ASB8: variants seen among roughly 807,000 people sequenced by gnomAD.
The protein encoded by ASB8 is ankyrin repeat and SOCS box protein 8.
ASB8 carries 15 observed loss-of-function variants against 22.9 expected under a neutral mutation model. That is an observed-to-expected ratio of 0.66 (90% confidence interval 0.44 to 1.01). The LOEUF (loss-of-function observed/expected upper bound fraction) is 1.01, where lower values mean the gene tolerates loss of function less well. Among genes scored for constraint, ASB8 ranks in the 50% least tolerant of loss-of-function variants. ASB8 has a pLI of 0.00. For synonymous variants in ASB8, 124 were observed against 140.8 expected (o/e 0.88, Z 0.84); for missense variants, 294 against 356.9 (o/e 0.82, Z 1.42).
chr12:48,148,274 C>T lies in ASB8; in HGVS notation c.*1092G>A, dbSNP rs1951133429. 1 of 152,264 alleles carries T rather than the reference C, an allele frequency of 6.6e-6. No individual in the cohort carries two copies. The highest frequency in any genetic ancestry group is 6.5e-5 in the Admixed American group (1 of 15,286). The allele number at this position is 152,264 out of a possible 1,614,324, so 9.4% of individuals were successfully genotyped here. A position where few individuals can be genotyped will look rare whatever the true frequency, so the allele number is the denominator to read the frequency against. On this transcript the variant is annotated 3_prime_UTR_variant, in exon 4 of 4. Coordinates refer to ENST00000317697, the MANE Select transcript of ASB8 (RefSeq NM_024095.5). ...GGAACACACACCGTAGGTGTAGGAA[C>T]TGCCTGGGAATCCCATTAGAACACA... is the stretch of plus-strand genomic sequence containing the variant.
At chr12:48,150,797 T>G (rs1043808439) in intron 3 of ASB8, 1 of 243,718 alleles carries the variant, frequency 4.1e-6, no homozygotes, top group East Asian at 8.4e-5. Context: ...TTAAGGGTAC[T>G]TTAGATTTAA....
chr12:48,156,851 A>G (rs1951312774), intron 1 of ASB8, among the ~76,000 whole-genome samples: 1 of 152,048 alleles, frequency 6.6e-6, no homozygotes, highest in African/African-American at 2.4e-5. Flanking sequence ...ATTCGATCTC[A>G]CTAGACAGCA....
intron 1 of ASB8, among the ~76,000 whole-genome samples, chr12:48,154,511 G>A (rs1215510428): frequency 6.9e-6 from 1 of 145,968 alleles, no homozygotes; most frequent in Non-Finnish European, 1.5e-5. Context: ...GGAAATATTT[G>A]AGGTAGTATT....
At chr12:48,150,195 T>C (rs61918826) in intron 3 of ASB8, 197 bp from the exon 4 acceptor site, 132,431 of 714,542 alleles carry the variant, frequency 0.19, 13,382 homozygotes, top group East Asian at 0.22. Flanking sequence ...GGAAAAGAAC[T>C]GTCCTCAAAC....
rs1316836145 is a variant in ASB8, at chr12:48,151,217, A to G, written c.218T>C (p.Leu73Pro). 1.2e-6 allele frequency: 2 copies of G among 1,612,882 alleles called. No individual in the cohort carries two copies. The highest frequency in any genetic ancestry group is 2.7e-5 in the African/African-American group (2 of 74,896). The change falls in exon 3 of 4, where the codon CTG (leucine) becomes CCG (proline). Residue 73 changes from leucine (L) to proline (P), a missense_variant. Physicochemically the swap from Leu to Pro is moderately conservative, Grantham distance 98. Transcript: ENST00000317697. ...AAACATTACCTCGGCTCCTTTTTCC[A>G]GAAGTAACTCCACACAGTCAGCATC... is the stretch of plus-strand genomic sequence containing the variant. Reference protein sequence around the residue: ...VSDADCVELLLEKGAEVNALD... With the variant: ...VSDADCVELLPEKGAEVNALD...
In ASB8 at chr12:48,149,269, A is replaced by G; in HGVS notation, c.*97T>C. On this transcript the variant is annotated 3_prime_UTR_variant, in exon 4 of 4. Coordinates refer to ENST00000317697, the MANE Select transcript of ASB8 (RefSeq NM_024095.5). ...TGCTTCGAAATCTATAAACCACACA[A>G]CAGGAACAACTGTTTTTCTGTTTTC... 7.5e-7 allele frequency: 1 copy of G among 1,335,246 alleles called. No homozygotes were observed. Among genetic ancestry groups the G allele is most frequent in the Non-Finnish European group, 1.0e-6 (1 of 978,098 alleles). 82.7% of individuals were successfully genotyped at this position (1,335,246 alleles called of 1,614,324 possible). A position where few individuals can be genotyped will look rare whatever the true frequency, so the allele number is the denominator to read the frequency against.
rs1170245530 is a variant in ASB8 at position 48,149,887 on chromosome 12, C to T, written c.346G>A (p.Gly116Ser). 1 of 1,614,222 alleles carries T rather than the reference C, an allele frequency of 6.2e-7. No homozygotes were observed. Among genetic ancestry groups the T allele is most frequent in the Non-Finnish European group, 8.5e-7 (1 of 1,180,038 alleles). Reference sequence around the variant, plus strand: ...CAGTGAAGTGGGGTATCTCTGTTGCCATCCAAAGCATTGGGGTTTGCACCA... The same window carrying T: ...CAGTGAAGTGGGGTATCTCTGTTGCTATCCAAAGCATTGGGGTTTGCACCA... ...EYGANPNALD[G>S]NRDTPLHWAA... Residue 116 changes from glycine to serine, a missense_variant, in exon 4 of 4, where the codon GGC becomes AGC. Transcript: ENST00000317697.
At position 48,149,840 on chromosome 12, in the gene ASB8, A is replaced by G; in HGVS notation, c.393T>C (p.Ala131=). Residue 131 remains alanine (A), a synonymous_variant, in exon 4 of 4, where the codon GCT becomes GCC. Coordinates refer to ENST00000317697, the MANE Select transcript of ASB8 (RefSeq NM_024095.5). ...PLHWAAFKNN[A]ECVRALLESG... ...TCTCTAGGAGAGCCCGCACACACTC[A>G]GCATTGTTCTTAAAGGCTGCCCAGT... is the stretch of plus-strand genomic sequence containing the variant. The G allele has an allele frequency of 1.2e-6, 2 of 1,614,232 alleles. No individual in the cohort carries two copies. The highest frequency in any genetic ancestry group is 8.5e-7 in the Non-Finnish European group (1 of 1,180,042).
chr12:48,151,022 A>G, intron 3 of ASB8, 179 bp downstream of exon 3: 1 of 622,088 alleles, frequency 1.6e-6, no homozygotes, highest in Non-Finnish European at 2.9e-6. Flanking sequence ...TGAAATCCTT[A>G]GATCATTTTA....
chr12:48,149,859 G>T lies in ASB8; in HGVS notation c.374C>A (p.Ala125Glu), dbSNP rs1951169133. The T allele has an allele frequency of 6.2e-7, 1 of 1,614,102 alleles. No homozygotes were observed. The highest frequency in any genetic ancestry group is 8.5e-7 in the Non-Finnish European group (1 of 1,180,034). Reference protein sequence around the residue: ...DGNRDTPLHWAAFKNNAECVR... With the variant: ...DGNRDTPLHWEAFKNNAECVR... Reference sequence around the variant, plus strand: ...ACACTCAGCATTGTTCTTAAAGGCTGCCCAGTGAAGTGGGGTATCTCTGTT... The same window carrying T: ...ACACTCAGCATTGTTCTTAAAGGCTTCCCAGTGAAGTGGGGTATCTCTGTT... The change falls in exon 4 of 4, where the codon GCA becomes GAA. Residue 125 changes from alanine (A) to glutamate (E), a missense_variant. Coordinates refer to ENST00000317697, the MANE Select transcript of ASB8 (RefSeq NM_024095.5).
rs1565929357 is a variant in ASB8, at chr12:48,153,536, CAAAG to C, written c.-33-11_-33-8del. On this transcript the variant is annotated splice_region_variant and splice_polypyrimidine_tract_variant and intron_variant, in intron 1 of 3. Coordinates refer to ENST00000317697, the MANE Select transcript of ASB8 (RefSeq NM_024095.5). ...TTCACATGCTCCAAACTGCCTGAAA[CAAAG>C]AAGTTTTCGGCATATACAATATCAC... is the stretch of plus-strand genomic sequence containing the variant. 3 of 1,608,906 alleles carry C rather than the reference CAAAG, an allele frequency of 1.9e-6. No homozygotes were observed. The highest frequency in any genetic ancestry group is 2.2e-5 in the South Asian group (2 of 90,736).
chr12:48,154,813 C>T (rs990218457), intron 1 of ASB8, among the ~76,000 whole-genome samples: 11 of 151,940 alleles, frequency 7.2e-5, no homozygotes, highest in Admixed American at 5.9e-4. Flanking sequence ...TGGTGGCGCA[C>T]GCCTGTAATT....
In ASB8 at chr12:48,149,510, A is replaced by C. The variant is rs147383987; in HGVS notation, c.723T>G (p.Thr241=). Residue 241 remains threonine, a synonymous_variant, in exon 4 of 4, where the codon ACT becomes ACG. Transcript: ENST00000317697. ...GAGTTCCTGGAGCTGAGCACAGAAC[A>C]GTCAGTTTTTCACATAGCTGCGGGT... The part of the protein sequence containing the change: ...ARDPQLCEKL[T]VLCSAPGTLK... 1 of 1,614,214 alleles carries C rather than the reference A, an allele frequency of 6.2e-7. No homozygotes were observed. The highest frequency in any genetic ancestry group is 2.2e-5 in the East Asian group (1 of 44,892).
intron 1 of ASB8, among the ~76,000 whole-genome samples, chr12:48,156,170 AG>A (rs1241531986): frequency 6.6e-6 from 1 of 152,204 alleles, no homozygotes; most frequent in Non-Finnish European, 1.5e-5. Context: ...CATTTATAGT[AG>A]ATGTAAATTC....
intron 1 of ASB8, among the ~76,000 whole-genome samples, chr12:48,155,743 AT>A (rs1400270563): frequency 1.4e-3 from 107 of 77,260 alleles, no homozygotes; most frequent in Middle Eastern, 6.3e-3. Context: ...AAAAAAAAAA[AT>A]ATATATATAT....
At position 48,149,204 on chromosome 12, in the gene ASB8, G is replaced by T; in HGVS notation, c.*162C>A. On this transcript the variant is annotated 3_prime_UTR_variant, in exon 4 of 4. Transcript: ENST00000317697. The stretch of plus-strand genomic sequence containing the variant: ...TTTTTTTTGTTGGGTTGTTTGGTTT[G>T]GGAAGGGGAGGTGCTATGGAGGTTA... The T allele has an allele frequency of 1.4e-6, 1 of 732,626 alleles. No homozygotes were observed. Among genetic ancestry groups the T allele is most frequent in the Non-Finnish European group, 2.1e-6 (1 of 465,998 alleles). 45.4% of individuals were successfully genotyped at this position (732,626 alleles called of 1,614,324 possible).
rs1951166806 is a variant in ASB8 at position 48,149,793 on chromosome 12, AGGG to A, written c.437_439del (p.Ala146_Leu147delinsVal). 72 of 1,613,970 alleles carry A rather than the reference AGGG, an allele frequency of 4.5e-5. No individual in the cohort carries two copies. Among genetic ancestry groups the A allele is most frequent in the Non-Finnish European group, 6.0e-5 (71 of 1,179,952 alleles). On this transcript the variant is annotated inframe_deletion, in exon 4 of 4. Coordinates refer to ENST00000317697, the MANE Select transcript of ASB8 (RefSeq NM_024095.5). The stretch of plus-strand genomic sequence containing the variant: ...GAGCGGTGTATCATTGTTGTAATCC[AGGG>A]CATTGACAGAGGCCCCGCTCTCTAG...
chr12:48,149,957 A>G lies in ASB8; in HGVS notation c.276T>C (p.Tyr92=). 4 of 1,614,048 alleles carry G rather than the reference A, an allele frequency of 2.5e-6. No individual in the cohort carries two copies. The highest frequency in any genetic ancestry group is 2.5e-6 in the Non-Finnish European group (3 of 1,179,910). Residue 92 remains tyrosine, a synonymous_variant, in exon 4 of 4, where the codon TAT becomes TAC. Transcript: ENST00000317697. The part of the protein sequence containing the change: ...LDGYNRTALH[Y]AAEKDEACVE... The stretch of plus-strand genomic sequence containing the variant: ...CACAAGCCTCATCTTTCTCTGCTGC[A>G]TAGTGGAGGGCTGTTCGGTTATACC...
chr12:48,151,190 A>G lies in ASB8; in HGVS notation c.234+11T>C. 6.3e-7 allele frequency: 1 copy of G among 1,593,370 alleles called. No individual in the cohort carries two copies. Among genetic ancestry groups the G allele is most frequent in the Non-Finnish European group, 8.6e-7 (1 of 1,161,008 alleles). ...AGTGAGTCATTAATGTGAATGTGTT[A>G]AAAACATTACCTCGGCTCCTTTTTC... On this transcript the variant is annotated intron_variant, in intron 3 of 3. Coordinates refer to ENST00000317697, the MANE Select transcript of ASB8 (RefSeq NM_024095.5).
Sources: allele counts gnomAD v4.1 joint callset (sites outside exome capture counted in the v4.1 genomes callset), GRCh38; gene constraint gnomAD v4.1.1; transcripts MANE v1.5; gene names NCBI Gene and HGNC (gene_info 2026-07-23, HGNC 2026-07-21).